Variants in CLEC16A observed in about 807,000 individuals in gnomAD.
CLEC16A encodes the protein protein CLEC16A.
In CLEC16A, 51 loss-of-function variants were observed where a neutral mutation model predicts 109.5. That is an observed-to-expected ratio of 0.47 (90% CI 0.37 to 0.59). CLEC16A has a LOEUF of 0.59. Among genes scored for constraint, CLEC16A ranks in the 20% least tolerant of loss-of-function variants. CLEC16A has a pLI of 0.00. For missense variants in CLEC16A, 1,339 were observed against 1,394.0 expected, an observed-to-expected ratio of 0.96 and a Z score of 0.63; for synonymous variants, 673 against 564.2, an observed-to-expected ratio of 1.19 and a Z score of -2.73.
rs117194850 is a variant in CLEC16A at position 10,965,501 on chromosome 16, A to G, written c.343+2913A>G. Among the ~76,000 whole-genome samples the G allele has an allele frequency of 2.5e-3, 379 of 152,242 alleles. 3 individuals carry two copies. The highest frequency in any genetic ancestry group is 4.6e-3 in the Non-Finnish European group (313 of 68,008). ...ACCTTCCCAGTGTATCCTAGATCTC[A>G]TTGTCCCGTTCTGTAACCCTGCCTG... On this transcript the variant is annotated intron_variant, in intron 3 of 23. Coordinates refer to ENST00000409790, the MANE Select transcript of CLEC16A (RefSeq NM_015226.3).
intron 11 of CLEC16A, among the ~76,000 whole-genome samples, chr16:11,016,759 C>G (rs570833526): frequency 2.6e-5 from 4 of 152,306 alleles, no homozygotes; most frequent in African/African-American, 9.6e-5. Context: ...CTAATATCCA[C>G]AGAAGGCTTT....
chr16:11,041,531 A>T (rs2047335034), intron 14 of CLEC16A: 1 of 152,238 alleles, frequency 6.6e-6, no homozygotes, highest in Admixed American at 6.5e-5. Context: ...CCCTTTCTGC[A>T]CTGAGACTCT....
intron 19 of CLEC16A, among the ~76,000 whole-genome samples, chr16:11,076,321 C>T (rs1253510953): frequency 6.6e-6 from 1 of 152,194 alleles, no homozygotes; most frequent in Non-Finnish European, 1.5e-5. Flanking sequence ...CCCCACTCTG[C>T]CCCACAGGGC....
At chr16:11,027,848 C>A in intron 13 of CLEC16A, 1 of 679,800 alleles carries the variant, frequency 1.5e-6, no homozygotes, top group South Asian at 1.7e-5. Context: ...TATCAAGTGT[C>A]TTCAGAGAAG....
At position 11,120,641 on chromosome 16, in the gene CLEC16A, G is replaced by C. The variant is rs1437896225; in HGVS notation, c.2143G>C (p.Val715Leu). The C allele has an allele frequency of 1.9e-6, 3 of 1,612,984 alleles. No individual in the cohort carries two copies. The change falls in exon 20 of 24, where the codon GTG becomes CTG. Residue 715 changes from valine (V) to leucine (L), a missense_variant. By Grantham distance (32) the Val-to-Leu change is conservative. Coordinates refer to ENST00000409790, the MANE Select transcript of CLEC16A (RefSeq NM_015226.3). The part of the protein sequence containing the change: ...LNNSDLIACT[V>L]ITKDGGMVQR... ...TAACAGCGACTTGATTGCATGTACA[G>C]TGATCACCAAGGATGGCGGCATGGT...
At position 11,180,986 on chromosome 16, in the gene CLEC16A, G is replaced by A. The variant is rs115516336; in HGVS notation, c.*2296G>A. ...TGGCCAAGAAAAGGGCAGTCCCCATGTGGGCTTGCAGGGTCACTCTCAGGG... is the reference window on the plus strand; with the variant it reads ...TGGCCAAGAAAAGGGCAGTCCCCATATGGGCTTGCAGGGTCACTCTCAGGG... On this transcript the variant is annotated 3_prime_UTR_variant, in exon 24 of 24. Coordinates refer to ENST00000409790, the MANE Select transcript of CLEC16A (RefSeq NM_015226.3). 198 of 152,540 alleles carry A rather than the reference G, an allele frequency of 1.3e-3. No homozygotes were observed. Among genetic ancestry groups the A allele is most frequent in the African/African-American group, 4.5e-3 (187 of 41,584 alleles). 9.4% of individuals were successfully genotyped at this position (152,540 alleles called of 1,614,324 possible). A position where few individuals can be genotyped will look rare whatever the true frequency, so the allele number is the denominator to read the frequency against.
At chr16:11,001,622 C>T (rs1301988495) in intron 10 of CLEC16A, among the ~76,000 whole-genome samples, 1 of 152,124 alleles carries the variant, frequency 6.6e-6, no homozygotes, top group African/African-American at 2.4e-5. Context: ...GTTATAAAGA[C>T]TGAGATATAC....
intron 2 of CLEC16A, among the ~76,000 whole-genome samples, chr16:10,959,695 AT>A (rs771268992): frequency 4.4e-4 from 65 of 148,440 alleles, no homozygotes; most frequent in Admixed American, 1.1e-3. Context: ...CCCAGCTGGA[AT>A]TTTTTTTTTT....
At chr16:10,953,892 G>A (rs1033800051) in intron 1 of CLEC16A, among the ~76,000 whole-genome samples, 1 of 151,864 alleles carries the variant, frequency 6.6e-6, no homozygotes, top group Non-Finnish European at 1.5e-5. Flanking sequence ...CAGGGAAATG[G>A]CGTGAACCCA....
chr16:11,133,452 C>T lies in CLEC16A; in HGVS notation c.2641+7306C>T, dbSNP rs1277633041. 2.6e-5 allele frequency among the ~76,000 whole-genome samples: 4 copies of T among 152,212 alleles called. No individual in the cohort carries two copies. The East Asian group carries it at 7.7e-4, about 29-fold the overall frequency. On this transcript the variant is annotated intron_variant, in intron 22 of 23. Transcript: ENST00000409790. Reference sequence around the variant, plus strand: ...TAAACCGGCAGGGTCAGTCACGTGACCCAGAGCACTTAATAGTTCCGTGGA... The same window carrying T: ...TAAACCGGCAGGGTCAGTCACGTGATCCAGAGCACTTAATAGTTCCGTGGA...
intron 11 of CLEC16A, among the ~76,000 whole-genome samples, chr16:11,007,979 G>A (rs985230978): frequency 5.9e-5 from 9 of 152,016 alleles, no homozygotes; most frequent in South Asian, 2.1e-4. Flanking sequence ...GCAACTTCCC[G>A]AAAACAGTTC....
intron 10 of CLEC16A, among the ~76,000 whole-genome samples, chr16:10,983,245 A>T (rs1265319156): frequency 6.6e-6 from 1 of 152,230 alleles, no homozygotes; most frequent in Admixed American, 6.5e-5. Context: ...CTTAGGTTGC[A>T]TATCTGTGAG....
intron 18 of CLEC16A, among the ~76,000 whole-genome samples, chr16:11,052,003 G>A (rs1407337452): frequency 1.3e-5 from 2 of 152,174 alleles, no homozygotes; most frequent in African/African-American, 2.4e-5. Context: ...GTGTGAAATC[G>A]TAGCCCAGCG....
At chr16:11,131,639 C>G (rs1285251549) in intron 22 of CLEC16A, among the ~76,000 whole-genome samples, 2 of 152,184 alleles carry the variant, frequency 1.3e-5, no homozygotes, top group African/African-American at 4.8e-5. Flanking sequence ...GTGACCTGTT[C>G]CCACCTGGTT....
At chr16:11,010,072 G>C (rs2045307683) in intron 11 of CLEC16A, among the ~76,000 whole-genome samples, 1 of 152,114 alleles carries the variant, frequency 6.6e-6, no homozygotes, top group African/African-American at 2.4e-5. Context: ...AGGATCCCTT[G>C]AGCCCAGGAG....
At chr16:10,967,434 C>T (rs891640900) in intron 3 of CLEC16A, among the ~76,000 whole-genome samples, 2 of 152,204 alleles carry the variant, frequency 1.3e-5, no homozygotes, top group African/African-American at 4.8e-5. Flanking sequence ...AGGTCTCACC[C>T]TGTCGCCTAG....
chr16:11,161,223 T>C (rs142362188), intron 22 of CLEC16A, among the ~76,000 whole-genome samples: 2 of 152,210 alleles, frequency 1.3e-5, no homozygotes, highest in African/African-American at 4.8e-5. Context: ...GTCAAATTTC[T>C]TATGCCCTGC....
intron 19 of CLEC16A, among the ~76,000 whole-genome samples, chr16:11,071,753 ATTTTTTTTTTTTT>A (rs71136611): frequency 9.8e-4 from 60 of 61,282 alleles, no homozygotes; most frequent in Non-Finnish European, 1.5e-3. Flanking sequence ...CACCTGGCTG[ATTTTTTTTTTTTT>A]TTTTTTTTTT....
intron 5 of CLEC16A, 65 bp downstream of exon 5, chr16:10,971,295 T>A: frequency 5.3e-6 from 6 of 1,132,848 alleles, no homozygotes; most frequent in South Asian, 5.2e-5. Flanking sequence ...CTCACTCCCG[T>A]GTGTGTGCGT....
Sources: gnomAD v4.1 joint callset for allele counts (sites outside exome capture counted in the v4.1 genomes callset) on GRCh38, gnomAD v4.1.1 for gene constraint, MANE v1.5 for transcripts, NCBI Gene and HGNC (gene_info 2026-07-23, HGNC 2026-07-21) for gene names.